Variants in ING5 observed in about 807,000 individuals in gnomAD.
ING5 encodes the protein inhibitor of growth family member 5.
Under a neutral mutation model 37.4 loss-of-function variants are expected in ING5, and 17 were observed. The observed-to-expected ratio is 0.45, with a 90% CI of 0.31 to 0.68. The LOEUF is 0.68. Among genes scored for constraint, ING5 ranks in the 30% least tolerant of loss-of-function variants. The probability of loss-of-function intolerance (pLI) is 0.05; values close to 1 mark genes in which losing one functional copy is unlikely to be tolerated. For synonymous variants in ING5, 123 were observed against 116.6 expected, an observed-to-expected ratio of 1.06 and a Z score of -0.36; for missense variants, 233 against 311.9, an observed-to-expected ratio of 0.75 and a Z score of 1.91.
intron 5 of ING5, chr2:241,719,990 C>T: frequency 8.0e-7 from 1 of 1,254,908 alleles, no homozygotes; most frequent in South Asian, 3.6e-5. Flanking sequence ...AGTGCTGCTC[C>T]TGTCCCATTG....
intron 1 of ING5, 60 bp downstream of exon 1, chr2:241,702,162 C>CCCCCG: frequency 9.3e-7 from 1 of 1,073,276 alleles, no homozygotes; most frequent in South Asian, 3.8e-5. Context: ...GTGCCGCAGC[C>CCCCCG]CCCCGCGCGC....
chr2:241,693,991 A>C (rs1343358286), intron 2 of ING5: 1 of 151,842 alleles, frequency 6.6e-6, no homozygotes, highest in Non-Finnish European at 1.5e-5. Flanking sequence ...GGGTCCCTTC[A>C]AAAGGGTTTG....
upstream of ING5, among the ~76,000 whole-genome samples, chr2:241,698,947 C>T (rs1447976057): frequency 2.0e-5 from 3 of 152,024 alleles, no homozygotes; most frequent in Non-Finnish European, 4.4e-5. Context: ...AGGCTGGTCT[C>T]GAACTCCCGA....
intron 5 of ING5, among the ~76,000 whole-genome samples, chr2:241,715,953 C>T (rs1026391470): frequency 6.6e-6 from 1 of 150,810 alleles, no homozygotes; most frequent in Non-Finnish European, 1.5e-5. Context: ...CTTTGAAAGC[C>T]AGCTAATTTT....
chr2:241,722,212 G>A, intron 5 of ING5: 1 of 985,418 alleles, frequency 1.0e-6, no homozygotes. Flanking sequence ...TCTGGAGTGG[G>A]AGGCTGGCAG....
intron 1 of ING5, among the ~76,000 whole-genome samples, chr2:241,688,280 A>G (rs1009930371): frequency 5.5e-5 from 8 of 145,170 alleles, no homozygotes; most frequent in African/African-American, 1.8e-4. Flanking sequence ...AGCCAGAAAT[A>G]TAGATGAAAT....
intron 5 of ING5, chr2:241,720,790 G>C: frequency 1.0e-6 from 1 of 985,636 alleles, no homozygotes; most frequent in South Asian, 4.7e-5. Context: ...GGTCACCCTG[G>C]CCTGTGCAAG....
Position 241,726,251 on chromosome 2 carries a change from G to A in ING5, c.*1220G>A, listed in dbSNP as rs1691617129. 1 of 152,246 alleles carries A rather than the reference G, an allele frequency of 6.6e-6. No individual in the cohort carries two copies. The highest frequency in any genetic ancestry group is 6.5e-5 in the Admixed American group (1 of 15,288). The allele number at this position is 152,246 out of a possible 1,614,324, so 9.4% of individuals were successfully genotyped here. Reference sequence around the variant, plus strand: ...ACAGAAAGAAACCTGAGGGAAAACTGAGACGTGAGGTTCCTGATTTAAGAA... The same window carrying A: ...ACAGAAAGAAACCTGAGGGAAAACTAAGACGTGAGGTTCCTGATTTAAGAA... On this transcript the variant is annotated 3_prime_UTR_variant, in exon 8 of 8. Coordinates refer to ENST00000313552, the MANE Select transcript of ING5 (RefSeq NM_032329.6).
intron 2 of ING5, 119 bp from the exon 3 acceptor site, chr2:241,709,097 T>G: frequency 9.2e-7 from 1 of 1,082,600 alleles, no homozygotes; most frequent in Non-Finnish European, 1.4e-6. Flanking sequence ...ACAGCGTGAG[T>G]TCATGTCAGC....
chr2:241,688,624 A>G (rs150186226), intron 1 of ING5, among the ~76,000 whole-genome samples: 15,111 of 151,814 alleles, frequency 0.1, 770 homozygotes, highest in South Asian at 0.14. Flanking sequence ...ATTTACTTTT[A>G]TTGCTTTTAT....
intron 2 of ING5, among the ~76,000 whole-genome samples, chr2:241,708,296 C>T (rs1050339554): frequency 1.3e-5 from 2 of 152,006 alleles, no homozygotes; most frequent in African/African-American, 4.8e-5. Context: ...CAAGCCCCGC[C>T]TCCTGGGTTC....
intron 5 of ING5, among the ~76,000 whole-genome samples, chr2:241,713,328 G>C (rs1216121619): frequency 6.7e-6 from 1 of 149,464 alleles, no homozygotes; most frequent in South Asian, 2.1e-4. Flanking sequence ...AAAGTGCTGG[G>C]ATTACAGGCA....
intron 1 of ING5, 22 bp downstream of exon 1, chr2:241,702,124 C>A: frequency 7.7e-7 from 1 of 1,291,116 alleles, no homozygotes; most frequent in South Asian, 2.0e-5. Context: ...CCACGGGCCC[C>A]GCGCCCGCCG....
intron 2 of ING5, among the ~76,000 whole-genome samples, chr2:241,706,956 A>AT (rs35471600): frequency 0.46 from 55,701 of 120,760 alleles, 14,046 homozygotes; most frequent in Non-Finnish European, 0.53. Flanking sequence ...TGGTGTGGCA[A>AT]TTTTTTTTTT....
intron 1 of ING5, among the ~76,000 whole-genome samples, chr2:241,702,456 C>A (rs999110641): frequency 6.6e-6 from 1 of 152,028 alleles, no homozygotes; most frequent in African/African-American, 2.4e-5. Flanking sequence ...GGCCCCGGCC[C>A]CGCCAGGTCC....
exon 1 of ING5, chr2:241,687,427 G>A (rs924918177): frequency 4.8e-5 from 19 of 398,738 alleles, no homozygotes; most frequent in Non-Finnish European, 5.7e-5. Flanking sequence ...GTAGACGCTG[G>A]CCACGTGGCA....
intron 2 of ING5, among the ~76,000 whole-genome samples, chr2:241,706,336 G>T (rs1437509422): frequency 6.6e-6 from 1 of 152,020 alleles, no homozygotes; most frequent in Admixed American, 6.6e-5. Flanking sequence ...ACATAGGAAG[G>T]TAGATTTTCT....
At chr2:241,701,921 G>A, upstream of ING5, 1 of 378,872 alleles carries the variant, frequency 2.6e-6, no homozygotes, top group Non-Finnish European at 4.4e-6. Flanking sequence ...CCCGCCGGAA[G>A]CTGAAAGGCG....
intron 1 of ING5, among the ~76,000 whole-genome samples, chr2:241,689,048 A>G (rs34302342): frequency 0.4 from 60,488 of 151,702 alleles, 12,168 homozygotes; most frequent in Middle Eastern, 0.49. Flanking sequence ...TGATCCGCCC[A>G]TCTCAGCCTC....
Sources: gnomAD v4.1 joint callset for allele counts (sites outside exome capture counted in the v4.1 genomes callset) on GRCh38, gnomAD v4.1.1 for gene constraint, MANE v1.5 for transcripts, NCBI Gene and HGNC (gene_info 2026-07-23, HGNC 2026-07-21) for gene names.